Variants in TRDN observed in about 807,000 individuals in gnomAD.
The protein encoded by TRDN is triadin in skeletal muscle.
In TRDN, 161 loss-of-function variants were observed where a neutral mutation model predicts 149.7. The observed-to-expected ratio is 1.08, with a 90% CI of 0.95 to 1.23. The LOEUF (loss-of-function observed/expected upper bound fraction) is 1.23. Among genes scored for constraint, TRDN ranks in the 50% most tolerant of loss-of-function variants. The pLI, the probability that TRDN is intolerant of heterozygous loss-of-function variation, is 0.00. For synonymous variants in TRDN, 294 were observed against 250.5 expected (o/e 1.17, Z -1.64); for missense variants, 896 against 823.5 (o/e 1.09, Z -1.08).
intron 1 of TRDN, among the ~76,000 whole-genome samples, chr6:123,577,691 T>C (rs1382161589): frequency 6.6e-6 from 1 of 152,198 alleles, no homozygotes; most frequent in Non-Finnish European, 1.5e-5. Context: ...TGAGTTCTGT[T>C]TTTAGTTCTT....
intron 1 of TRDN, among the ~76,000 whole-genome samples, chr6:123,617,597 G>A (rs558497714): frequency 2.6e-5 from 4 of 152,034 alleles, no homozygotes; most frequent in African/African-American, 9.7e-5. Context: ...AATCTTGTTC[G>A]TCAATGTATC....
intron 10 of TRDN, chr6:123,464,702 C>T: frequency 7.4e-7 from 1 of 1,353,762 alleles, no homozygotes; most frequent in East Asian, 2.7e-5. Context: ...CTGAGGGTCA[C>T]CAATATAGAA....
chr6:123,245,581 G>C (rs1369525299), intron 38 of TRDN, among the ~76,000 whole-genome samples: 2 of 152,150 alleles, frequency 1.3e-5, no homozygotes, highest in African/African-American at 4.8e-5. Context: ...GGAGCACCCG[G>C]ATTGATAAAG....
chr6:123,235,539 C>G (rs143738615), intron 38 of TRDN, among the ~76,000 whole-genome samples: 1 of 152,016 alleles, frequency 6.6e-6, no homozygotes, highest in African/African-American at 2.4e-5. Context: ...AAGTTTTGTA[C>G]GTTATTAATT....
At chr6:123,408,046 C>T (rs1382034733) in intron 12 of TRDN, among the ~76,000 whole-genome samples, 1 of 152,126 alleles carries the variant, frequency 6.6e-6, no homozygotes, top group Non-Finnish European at 1.5e-5. Context: ...CAGCTCTCTT[C>T]CTCAGTTTCC....
intron 1 of TRDN, among the ~76,000 whole-genome samples, chr6:123,627,645 C>T (rs962883084): frequency 6.6e-6 from 1 of 152,176 alleles, no homozygotes; most frequent in Admixed American, 6.6e-5. Flanking sequence ...AGCTTTGGAG[C>T]CAGGCATTGA....
At chr6:123,579,214 G>A (rs1041637354) in intron 1 of TRDN, among the ~76,000 whole-genome samples, 2 of 152,088 alleles carry the variant, frequency 1.3e-5, no homozygotes, top group African/African-American at 4.8e-5. Flanking sequence ...TCATTTTCTT[G>A]TGCTGGTTTT....
chr6:123,263,034 A>C (rs1776825425), intron 33 of TRDN, among the ~76,000 whole-genome samples: 1 of 152,098 alleles, frequency 6.6e-6, no homozygotes, highest in Non-Finnish European at 1.5e-5. Context: ...ACTAGAAATG[A>C]TTAAGTTTAG....
chr6:123,437,120 A>G (rs1774608771), intron 12 of TRDN, among the ~76,000 whole-genome samples: 2 of 152,132 alleles, frequency 1.3e-5, no homozygotes, highest in African/African-American at 4.8e-5. Context: ...GAAACTGTCA[A>G]ATAGTTGAAT....
chr6:123,524,270 A>AT (rs781301785), intron 5 of TRDN, among the ~76,000 whole-genome samples: 1 of 152,160 alleles, frequency 6.6e-6, no homozygotes, highest in Non-Finnish European at 1.5e-5. Flanking sequence ...GCTTGAATAC[A>AT]TTAGATGAAA....
At chr6:123,611,932 T>C (rs556981235) in intron 1 of TRDN, among the ~76,000 whole-genome samples, 2 of 152,238 alleles carry the variant, frequency 1.3e-5, no homozygotes, top group South Asian at 4.1e-4. Context: ...AAGAAGTTAA[T>C]ATGACTAAAA....
intron 10 of TRDN, among the ~76,000 whole-genome samples, chr6:123,463,779 T>G (rs1436694140): frequency 1.9e-5 from 2 of 105,592 alleles, no homozygotes; most frequent in African/African-American, 5.2e-5. Flanking sequence ...TTCTTTCTGT[T>G]TTTTTTTTTT....
At chr6:123,370,913 CT>C (rs58947175) in intron 19 of TRDN, among the ~76,000 whole-genome samples, 327 of 131,152 alleles carry the variant, frequency 2.5e-3, no homozygotes, top group African/African-American at 7.0e-3. Flanking sequence ...AGGTCTTTGT[CT>C]TTTTTTTTTT....
intron 4 of TRDN, 58 bp from the exon 5 acceptor site, chr6:123,530,623 A>G (rs1034685804): frequency 9.7e-7 from 1 of 1,028,140 alleles, no homozygotes; most frequent in Admixed American, 3.8e-5. Context: ...AATTTAAGCC[A>G]TAGCTATGAC....
chr6:123,583,728 T>G (rs939725629), intron 1 of TRDN, among the ~76,000 whole-genome samples: 1 of 152,132 alleles, frequency 6.6e-6, no homozygotes, highest in Admixed American at 6.5e-5. Flanking sequence ...GAAAGGACTC[T>G]ACCTATCCAG....
chr6:123,244,345 A>T (rs565961669), intron 38 of TRDN, among the ~76,000 whole-genome samples: 1 of 152,244 alleles, frequency 6.6e-6, no homozygotes, highest in South Asian at 2.1e-4. Context: ...GCTAAGAGCC[A>T]TGAGAAAAGA....
chr6:123,415,705 A>C (rs1773620499), intron 12 of TRDN, among the ~76,000 whole-genome samples: 1 of 152,212 alleles, frequency 6.6e-6, no homozygotes, highest in South Asian at 2.1e-4. Context: ...CCTAAGAAAG[A>C]AGACCTAATA....
intron 24 of TRDN, among the ~76,000 whole-genome samples, chr6:123,305,019 AT>A (rs1778557561): frequency 6.6e-6 from 1 of 152,142 alleles, no homozygotes; most frequent in Admixed American, 6.6e-5. Flanking sequence ...AAATATTTTT[AT>A]GGCAATATGG....
intron 24 of TRDN, among the ~76,000 whole-genome samples, chr6:123,284,276 G>A (rs1777722752): frequency 6.6e-6 from 1 of 151,458 alleles, no homozygotes; most frequent in Non-Finnish European, 1.5e-5. Flanking sequence ...CAAAATACTA[G>A]CTAACCAAAT....
Sources: allele counts gnomAD v4.1 joint callset (sites outside exome capture counted in the v4.1 genomes callset), GRCh38; gene constraint gnomAD v4.1.1; transcripts MANE v1.5; gene names NCBI Gene and HGNC (gene_info 2026-07-23, HGNC 2026-07-21).